PLXNB2: variants seen among roughly 807,000 people sequenced by gnomAD.
PLXNB2 encodes the protein plexin B2, also known as plexin-B2.
A neutral mutation model predicts 202.6 loss-of-function variants in PLXNB2; 85 were observed. That is an observed-to-expected ratio of 0.42 (90% CI 0.35 to 0.50). PLXNB2 has a LOEUF of 0.50. Among genes scored for constraint, PLXNB2 ranks in the 20% least tolerant of loss-of-function variants. The pLI is 0.02. For missense variants in PLXNB2, 2,063 were observed against 2,586.2 expected, an observed-to-expected ratio of 0.80 and a Z score of 4.39; for synonymous variants, 1,239 against 1,137.6, an observed-to-expected ratio of 1.09 and a Z score of -1.79.
chr22:50,293,641 G>T (rs2067051290), intron 2 of PLXNB2, among the ~76,000 whole-genome samples: 1 of 152,230 alleles, frequency 6.6e-6, no homozygotes, highest in Non-Finnish European at 1.5e-5. Flanking sequence ...CAGCGCGGGG[G>T]CGGGGCCCAC....
chr22:50,285,979 A>C lies in PLXNB2; in HGVS notation c.1986+11T>G. 3 of 1,610,290 alleles carry C rather than the reference A, an allele frequency of 1.9e-6. No individual in the cohort carries two copies. The highest frequency in any genetic ancestry group is 2.5e-6 in the Non-Finnish European group (3 of 1,177,894). ...CCCTGAACAGTCCCCTGAGGCCCCG[A>C]GGCCCCTCACCATGTGGGCACGGAC... On this transcript the variant is annotated intron_variant, in intron 10 of 36. Coordinates refer to ENST00000359337, the MANE Select transcript of PLXNB2 (RefSeq NM_012401.4).
At position 50,280,939 on chromosome 22, in the gene PLXNB2, G is replaced by A. The variant is rs1020780793; in HGVS notation, c.3798C>T (p.Asp1266=). 2.2e-5 allele frequency: 35 copies of A among 1,613,248 alleles called. No individual in the cohort carries two copies. Among genetic ancestry groups the A allele is most frequent in the Non-Finnish European group, 2.6e-5 (31 of 1,179,956 alleles). Residue 1266 remains aspartate (D), a synonymous_variant, in exon 24 of 37, where the codon GAC becomes GAT. Coordinates refer to ENST00000359337, the MANE Select transcript of PLXNB2 (RefSeq NM_012401.4). The part of the protein sequence containing the change: ...LMIEMEDQTN[D]VHEAGIPVLD... ...GCACGGGGATGCCGGCCTCGTGCAC[G>A]TCGTTGGTCTGGTCCTCCATCTCGA...
intron 33 of PLXNB2, 105 bp downstream of exon 33, chr22:50,277,486 C>T: frequency 8.2e-7 from 1 of 1,213,970 alleles, no homozygotes; most frequent in South Asian, 1.6e-5. Flanking sequence ...GGGCTCCAGC[C>T]CAAGATATTC....
intron 18 of PLXNB2, 61 bp downstream of exon 18, chr22:50,282,650 G>A: frequency 2.4e-6 from 3 of 1,246,322 alleles, no homozygotes; most frequent in South Asian, 1.4e-5. Flanking sequence ...AGTCAGCCAA[G>A]GGCACTGAGG....
rs995100290 is a variant in PLXNB2, at chr22:50,282,955, G to A, written c.2817-74C>T. The A allele has an allele frequency of 5.2e-5, 81 of 1,554,880 alleles. 1 individual carries two copies. In the South Asian group the frequency reaches 8.0e-4, roughly 15 times the overall value. On this transcript the variant is annotated intron_variant, in intron 17 of 36. Coordinates refer to ENST00000359337, the MANE Select transcript of PLXNB2 (RefSeq NM_012401.4). Reference sequence around the variant, plus strand: ...GCCCCAGCCCGACCAGGCTGGCCCCGCCATCCCCTCAGGGCCACTCAGGTC... The same window carrying A: ...GCCCCAGCCCGACCAGGCTGGCCCCACCATCCCCTCAGGGCCACTCAGGTC...
Position 50,275,457 on chromosome 22 carries a change from C to T in PLXNB2, c.*247G>A, listed in dbSNP as rs1210022075. On this transcript the variant is annotated 3_prime_UTR_variant, in exon 37 of 37. Transcript: ENST00000359337. ...TCACTGGAGACTCGACAGTGAACAC[C>T]CGATGCTGGTTCTGCGGCCGGAGGG... The T allele has an allele frequency of 3.1e-6, 2 of 635,524 alleles. No homozygotes were observed. Among genetic ancestry groups the T allele is most frequent in the Non-Finnish European group, 5.8e-6 (2 of 341,972 alleles). The allele number at this position is 635,524 out of a possible 1,614,324, so 39.4% of individuals were successfully genotyped here. A position where few individuals can be genotyped will look rare whatever the true frequency, so the allele number is the denominator to read the frequency against.
chr22:50,279,152 C>G (rs959656870), intron 27 of PLXNB2, 141 bp from the exon 28 acceptor site: 4 of 820,840 alleles, frequency 4.9e-6, no homozygotes, highest in Non-Finnish European at 7.4e-6. Flanking sequence ...GGCTCCGAGC[C>G]CCCGAGGCTT....
rs540970160 is a variant in PLXNB2, at chr22:50,279,025, C to T, written c.4390-14G>A. ...CACGCTCACCGTCTGCCGAGACATC[C>T]GGGATGAAGCCCAGTGGGAGGCCCT... On this transcript the variant is annotated splice_polypyrimidine_tract_variant and intron_variant, in intron 27 of 36. Coordinates refer to ENST00000359337, the MANE Select transcript of PLXNB2 (RefSeq NM_012401.4). 1.1e-5 allele frequency: 18 copies of T among 1,592,344 alleles called. No homozygotes were observed. The highest frequency in any genetic ancestry group is 9.4e-5 in the African/African-American group (7 of 74,826).
intron 1 of PLXNB2, among the ~76,000 whole-genome samples, chr22:50,296,950 G>T (rs2067320975): frequency 6.6e-6 from 1 of 152,222 alleles, no homozygotes; most frequent in Non-Finnish European, 1.5e-5. Flanking sequence ...ACAGGTAAGG[G>T]TTAACCCGGC....
chr22:50,279,109 C>A (rs995404735), intron 27 of PLXNB2, 98 bp from the exon 28 acceptor site: 1 of 1,324,194 alleles, frequency 7.6e-7, no homozygotes, highest in Non-Finnish European at 1.0e-6. Context: ...CCCACCACAG[C>A]GGCACCCTTG....
At position 50,306,036 on chromosome 22, in the gene PLXNB2, G is replaced by A. The variant is rs565250595; in HGVS notation, c.-74+1517C>T. ...CCTCCTCCTGGGGCCCTCAACCCACGTCCCGGAAGTGGATCCTTCTCCCAC... is the reference window on the plus strand; with the variant it reads ...CCTCCTCCTGGGGCCCTCAACCCACATCCCGGAAGTGGATCCTTCTCCCAC... On this transcript the variant is annotated intron_variant, in intron 1 of 36. Transcript: ENST00000359337. 1.8e-3 allele frequency among the ~76,000 whole-genome samples: 279 copies of A among 152,342 alleles called. 3 individuals carry two copies. The highest frequency in any genetic ancestry group is 4.3e-4 in the Non-Finnish European group (29 of 68,020).
intron 1 of PLXNB2, among the ~76,000 whole-genome samples, chr22:50,301,710 AC>A (rs1209269595): frequency 9.9e-5 from 15 of 151,038 alleles, no homozygotes; most frequent in Non-Finnish European, 2.2e-4. Flanking sequence ...CCCCCTTCTC[AC>A]CCCCGGGGTG....
intron 1 of PLXNB2, chr22:50,300,203 T>C (rs1197206880): frequency 1.1e-6 from 1 of 920,156 alleles, no homozygotes; most frequent in Non-Finnish European, 1.3e-6. Flanking sequence ...GGTGGGAGTC[T>C]GACCCGAGTA....
chr22:50,281,817 A>T, intron 20 of PLXNB2, 37 bp downstream of exon 20: 1 of 1,595,656 alleles, frequency 6.3e-7, no homozygotes, highest in Non-Finnish European at 8.6e-7. Flanking sequence ...CCCAGACCCG[A>T]GCAGGACCCA....
Position 50,283,819 on chromosome 22 carries a change from T to C in PLXNB2, c.2421+14A>G. ...GGACGAGGGAAGGTGTAGGCCAGGCTTCGAGGGGCTCACCCTGGTGATGAC... is the reference window on the plus strand; with the variant it reads ...GGACGAGGGAAGGTGTAGGCCAGGCCTCGAGGGGCTCACCCTGGTGATGAC... On this transcript the variant is annotated intron_variant, in intron 14 of 36. Transcript: ENST00000359337. 6.2e-7 allele frequency: 1 copy of C among 1,611,046 alleles called. No individual in the cohort carries two copies. The highest frequency in any genetic ancestry group is 8.5e-7 in the Non-Finnish European group (1 of 1,178,218).
chr22:50,281,665 C>T lies in PLXNB2; in HGVS notation c.3423G>A (p.Thr1141=), dbSNP rs1456968199. ...FVGAERCTMK[T]LTETDLYCEP... ...CACAGTACAGGTCGGTCTCCGTCAG[C>T]GTCTTCATGGTGCAGCGCTCGGCAC... Residue 1141 remains threonine (T), a synonymous_variant, in exon 21 of 37, where the codon ACG becomes ACA. Transcript: ENST00000359337. The T allele has an allele frequency of 3.8e-6, 6 of 1,587,646 alleles. No homozygotes were observed. Among genetic ancestry groups the T allele is most frequent in the Non-Finnish European group, 4.3e-6 (5 of 1,164,768 alleles).
intron 1 of PLXNB2, 24 bp from the exon 2 acceptor site, chr22:50,294,802 G>T: frequency 2.0e-6 from 2 of 979,886 alleles, no homozygotes; most frequent in East Asian, 1.1e-4. Flanking sequence ...GAGAGACGCC[G>T]GTCACAAGAG....
chr22:50,289,055 G>A lies in PLXNB2; in HGVS notation c.1156C>T (p.Gln386Ter). ...GCCGTGAGGTTCAGGCCTCCACGCTGCAGCACGGCTGTGCCTCTGAGCCCG... is the reference window on the plus strand; with the variant it reads ...GCCGTGAGGTTCAGGCCTCCACGCTACAGCACGGCTGTGCCTCTGAGCCCG... ...RDGLRGTAVL[Q>*]RGGLNLTAVT... The change falls in exon 4 of 37, where the codon CAG (glutamine) becomes TAG (stop). Residue 386 changes from glutamine to a stop codon, truncating the protein, a stop_gained. Transcript: ENST00000359337. LOFTEE classifies it high-confidence loss of function. This position sits in a 1 kb window ranked among gnomAD's most constrained non-coding sequence, Gnocchi z 8.0. 6.2e-7 allele frequency: 1 copy of A among 1,607,964 alleles called. No individual in the cohort carries two copies. Among genetic ancestry groups the A allele is most frequent in the South Asian group, 1.1e-5 (1 of 90,962 alleles).
chr22:50,302,863 A>G (rs1305535066), intron 1 of PLXNB2, among the ~76,000 whole-genome samples: 2 of 152,114 alleles, frequency 1.3e-5, no homozygotes, highest in South Asian at 2.1e-4. Context: ...GGCTGGGCAC[A>G]GGGCCTGGGC....
Sources: allele counts gnomAD v4.1 joint callset (sites outside exome capture counted in the v4.1 genomes callset), GRCh38; gene constraint gnomAD v4.1.1; non-coding constraint Gnocchi (gnomAD v3.1); transcripts MANE v1.5; gene names NCBI Gene and HGNC (gene_info 2026-07-23, HGNC 2026-07-21).